The following LRTM1 variants were observed in gnomAD, a reference collection of about 807,000 sequenced individuals.
The protein encoded by LRTM1 is leucine-rich repeat and transmembrane domain-containing protein 1.
A neutral mutation model predicts 32.4 loss-of-function variants in LRTM1; 38 were observed. That is an observed-to-expected ratio of 1.17 (90% CI 0.91 to 1.54). LRTM1 has a LOEUF of 1.54. Ranked by LOEUF, LRTM1 falls within the 40% of genes most tolerant of loss-of-function variation. The pLI is 0.00. For missense variants in LRTM1, 466 were observed against 415.4 expected (o/e 1.12, Z -1.06); for synonymous variants, 186 against 169.9 (o/e 1.09, Z -0.74).
chr3:54,932,621 C>G (rs895892524), upstream of LRTM1, among the ~76,000 whole-genome samples: 17 of 152,166 alleles, frequency 1.1e-4, no homozygotes, highest in African/African-American at 4.1e-4. Context: ...CCTCTCTCAC[C>G]AAGAGAATTA....
intron 1 of LRTM1, among the ~76,000 whole-genome samples, chr3:54,945,608 T>G (rs1389233460): frequency 6.6e-6 from 1 of 152,168 alleles, no homozygotes; most frequent in East Asian, 1.9e-4. Context: ...TCTTCAAACT[T>G]TAGTGTCAGT....
chr3:54,937,727 A>T (rs1375597048), intron 1 of LRTM1, among the ~76,000 whole-genome samples: 1 of 151,860 alleles, frequency 6.6e-6, no homozygotes, highest in East Asian at 1.9e-4. Flanking sequence ...CAGAGAGGGG[A>T]AGAGACGAGG....
intron 2 of LRTM1, among the ~76,000 whole-genome samples, chr3:54,922,118 C>T (rs980658968): frequency 5.3e-5 from 8 of 152,062 alleles, no homozygotes; most frequent in Admixed American, 3.3e-4. Context: ...TCTGTTGTGA[C>T]GGCGTGTTGA....
chr3:54,955,920 C>G (rs1019529044), intron 1 of LRTM1, among the ~76,000 whole-genome samples: 2 of 152,176 alleles, frequency 1.3e-5, no homozygotes, highest in African/African-American at 4.8e-5. Context: ...GCCTCGCCAT[C>G]TGCCTGATGA....
At chr3:54,956,667 G>A (rs1251177410) in intron 1 of LRTM1, among the ~76,000 whole-genome samples, 1 of 152,048 alleles carries the variant, frequency 6.6e-6, no homozygotes, top group South Asian at 2.1e-4. Context: ...CTCCAGATTA[G>A]GTAATTTGTT....
chr3:54,944,728 G>A (rs976963627), intron 1 of LRTM1, among the ~76,000 whole-genome samples: 1 of 152,046 alleles, frequency 6.6e-6, no homozygotes. Context: ...GCCTCCAAGA[G>A]TTATTTTTTA....
At chr3:54,927,081 C>G (rs1426104751) in intron 1 of LRTM1, among the ~76,000 whole-genome samples, 1 of 152,190 alleles carries the variant, frequency 6.6e-6, no homozygotes, top group Non-Finnish European at 1.5e-5. Context: ...AAATAGTTAT[C>G]TACTCAAAGT....
intron 2 of LRTM1, among the ~76,000 whole-genome samples, chr3:54,920,079 T>G (rs1418044833): frequency 6.6e-6 from 1 of 152,232 alleles, no homozygotes; most frequent in Non-Finnish European, 1.5e-5. Flanking sequence ...CCGAAAAGAC[T>G]GGCACTGCAG....
At chr3:54,925,506 G>A (rs916862780) in intron 1 of LRTM1, among the ~76,000 whole-genome samples, 2 of 152,168 alleles carry the variant, frequency 1.3e-5, no homozygotes, top group African/African-American at 4.8e-5. Flanking sequence ...ATATCAAATA[G>A]AAGGGTGAAA....
chr3:54,954,643 G>A (rs1025840489), intron 1 of LRTM1, among the ~76,000 whole-genome samples: 2 of 152,152 alleles, frequency 1.3e-5, no homozygotes, highest in South Asian at 2.1e-4. Flanking sequence ...GTGCAGAGAG[G>A]ACAAACTGGC....
intron 1 of LRTM1, among the ~76,000 whole-genome samples, chr3:54,945,851 G>A (rs139093163): frequency 2.0e-5 from 3 of 152,320 alleles, no homozygotes; most frequent in African/African-American, 4.8e-5. Flanking sequence ...TAGTCAGTGG[G>A]CAATGCAGCA....
At chr3:54,943,745 C>A (rs1297786783) in intron 1 of LRTM1, among the ~76,000 whole-genome samples, 1 of 152,016 alleles carries the variant, frequency 6.6e-6, no homozygotes, top group Non-Finnish European at 1.5e-5. Flanking sequence ...GGTGAGATCT[C>A]CCTCTCTGTG....
intron 1 of LRTM1, among the ~76,000 whole-genome samples, chr3:54,940,006 G>A (rs76711078): frequency 0.013 from 2,002 of 152,214 alleles, 18 homozygotes; most frequent in Non-Finnish European, 0.02. Flanking sequence ...TCCCATCTGA[G>A]CAGATGAGCA....
rs1700723542 is a variant in LRTM1 at position 54,918,353 on chromosome 3, T to TTTGTTTTTTTTTG, written c.*105_*106insCAAAAAAAAACAA. ...TTTTCTTTTTTTTTTTTTTTTTTTT[T>TTTGTTTTTTTTTG]TTGTCTTTTGGCAAAAGCAAAATCA... On this transcript the variant is annotated 3_prime_UTR_variant, in exon 3 of 3. Transcript: ENST00000273286. The TTTGTTTTTTTTTG allele has an allele frequency of 2.8e-6, 1 of 363,130 alleles. No individual in the cohort carries two copies. Among genetic ancestry groups the TTTGTTTTTTTTTG allele is most frequent in the Non-Finnish European group, 4.6e-6 (1 of 218,906 alleles). 22.5% of individuals were successfully genotyped at this position (363,130 alleles called of 1,614,324 possible). A position where few individuals can be genotyped will look rare whatever the true frequency, so the allele number is the denominator to read the frequency against.
At chr3:54,923,919 C>T (rs1466905165) in intron 2 of LRTM1, among the ~76,000 whole-genome samples, 2 of 152,224 alleles carry the variant, frequency 1.3e-5, no homozygotes, top group Non-Finnish European at 2.9e-5. Context: ...AAAGCAACCA[C>T]TCACTCATTA....
intron 1 of LRTM1, among the ~76,000 whole-genome samples, chr3:54,951,989 C>T (rs1030222602): frequency 5.3e-5 from 8 of 152,186 alleles, no homozygotes; most frequent in African/African-American, 1.7e-4. Flanking sequence ...GCCGGGACTA[C>T]AGGTGCCTGC....
intron 1 of LRTM1, among the ~76,000 whole-genome samples, chr3:54,952,715 C>T (rs998621157): frequency 6.6e-6 from 1 of 152,212 alleles, no homozygotes; most frequent in Non-Finnish European, 1.5e-5. Context: ...TTCCCTCCAG[C>T]TTCCAGATGG....
upstream of LRTM1, among the ~76,000 whole-genome samples, chr3:54,930,566 C>A (rs946826121): frequency 1.2e-4 from 19 of 152,184 alleles, no homozygotes; most frequent in Non-Finnish European, 2.8e-4. Context: ...TGTTGGAGGT[C>A]AAGACCCTGG....
intron 1 of LRTM1, among the ~76,000 whole-genome samples, chr3:54,944,503 C>T (rs1024234203): frequency 3.9e-5 from 6 of 152,072 alleles, no homozygotes; most frequent in Non-Finnish European, 7.4e-5. Flanking sequence ...TCACTGCAAG[C>T]TCTGCCTCCC....
Sources: gnomAD v4.1 joint callset for allele counts (sites outside exome capture counted in the v4.1 genomes callset) on GRCh38, gnomAD v4.1.1 for gene constraint, MANE v1.5 for transcripts, NCBI Gene and HGNC (gene_info 2026-07-23, HGNC 2026-07-21) for gene names.